Variants in ANAPC15 observed in about 807,000 individuals in gnomAD.
The protein encoded by ANAPC15 is anaphase promoting complex subunit 15, also known as anaphase-promoting complex subunit 15.
A neutral mutation model predicts 19.8 loss-of-function variants in ANAPC15; 13 were observed. That is an observed-to-expected ratio of 0.66 (90% CI 0.43 to 1.04). ANAPC15 has a LOEUF of 1.04. ANAPC15 is among the 50% of genes least tolerant of loss of function. The pLI is 0.00. For synonymous variants in ANAPC15, 45 were observed against 50.7 expected (o/e 0.89, Z 0.47); for missense variants, 88 against 150.3 (o/e 0.59, Z 2.17).
At chr11:72,110,883 T>C (rs1014917352) in intron 3 of ANAPC15, 1 of 574,896 alleles carries the variant, frequency 1.7e-6, no homozygotes, top group Non-Finnish European at 3.1e-6. Flanking sequence ...CCTCAATTAA[T>C]AGTCAAAATT....
Position 72,111,226 on chromosome 11 carries a change from C to G in ANAPC15, c.51G>C (p.Trp17Cys). ...SLFPRVTETL[W>C]FNLDRPCVEE... ...CCACACAGGGTCGATCCAGATTAAACCACAGAGTCTCAGTCACACGAGGGA... is the reference window on the plus strand; with the variant it reads ...CCACACAGGGTCGATCCAGATTAAAGCACAGAGTCTCAGTCACACGAGGGA... The change falls in exon 3 of 6, where the codon TGG becomes TGC. Residue 17 changes from tryptophan (W) to cysteine (C), a missense_variant. Physicochemically the swap from Trp to Cys is radical, Grantham distance 215 (BLOSUM62 -2). Transcript: ENST00000227618. 5 of 1,614,106 alleles carry G rather than the reference C, an allele frequency of 3.1e-6. No homozygotes were observed. Among genetic ancestry groups the G allele is most frequent in the Non-Finnish European group, 4.2e-6 (5 of 1,179,950 alleles).
At chr11:72,108,087 C>A (rs1565331959), downstream of ANAPC15, 1 of 1,533,912 alleles carries the variant, frequency 6.5e-7, no homozygotes, top group Non-Finnish European at 8.8e-7. Flanking sequence ...GGCTGAAAAA[C>A]TCATCCGCCT....
At chr11:72,107,756 T>C (rs1945830152), downstream of ANAPC15, among the ~76,000 whole-genome samples, 1 of 152,150 alleles carries the variant, frequency 6.6e-6, no homozygotes, top group South Asian at 2.1e-4. Flanking sequence ...AAGACTACAC[T>C]GTAGGAGACG....
chr11:72,110,258 A>G (rs1290024027), intron 4 of ANAPC15, 33 bp from the exon 5 acceptor site: 1 of 1,610,870 alleles, frequency 6.2e-7, no homozygotes, highest in Admixed American at 1.7e-5. Flanking sequence ...TAAGCCCTAC[A>G]GGCCTGCATG....
Position 72,109,900 on chromosome 11 carries a change from T to TGATCCTGTTCGTTGCCTACCATGTCCA in ANAPC15, c.346_347insTGGACATGGTAGGCAACGAACAGGATC (p.Asp115_Gln116insLeuAspMetValGlyAsnGluGlnAsp). On this transcript the variant is annotated inframe_insertion, in exon 6 of 6. Transcript: ENST00000227618. ...GTCTACCTAGATCATCCACTGGTCC[T>TGATCCTGTTCGTTGCCTACCATGTCCA]GATCCTGTTCGTTGCCTTCCATGTC... 1 of 1,614,018 alleles carries TGATCCTGTTCGTTGCCTACCATGTCCA rather than the reference T, an allele frequency of 6.2e-7. No individual in the cohort carries two copies. Among genetic ancestry groups the TGATCCTGTTCGTTGCCTACCATGTCCA allele is most frequent in the Non-Finnish European group, 8.5e-7 (1 of 1,180,012 alleles).
At chr11:72,111,109 G>A (rs748750874) in intron 3 of ANAPC15, 48 bp downstream of exon 3, 2 of 1,299,742 alleles carry the variant, frequency 1.5e-6, no homozygotes, top group Non-Finnish European at 2.2e-6. Context: ...ACTGAAGGAG[G>A]TCTCTGTCTG....
chr11:72,108,028 C>CT, downstream of ANAPC15: 3 of 1,551,620 alleles, frequency 1.9e-6, no homozygotes, highest in Non-Finnish European at 2.6e-6. Context: ...GCCCTGCCCC[C>CT]TGGGGGTCGC....
rs1343607138 is a variant in ANAPC15, at chr11:72,110,557, T to C, written c.167A>G (p.Lys56Arg). The change falls in exon 4 of 6, where the codon AAG becomes AGG. Residue 56 changes from lysine (K) to arginine (R), a missense_variant. Transcript: ENST00000227618. ...EKDNNLVPIG[K>R]PASEHYDDEE... ...AGAGCCACTCACCTCTGAGGCTGGC[T>C]TGCCAATAGGAACCAGGTTGTTGTC... 1.9e-6 allele frequency: 3 copies of C among 1,614,116 alleles called. No individual in the cohort carries two copies. The African/African-American group carries it at 4.0e-5, about 22-fold the overall frequency.
At chr11:72,107,745 G>C, downstream of ANAPC15, 1 of 651,890 alleles carries the variant, frequency 1.5e-6, no homozygotes, top group Non-Finnish European at 2.7e-6. Context: ...GGGCTGGTGT[G>C]AAGACTACAC....
At position 72,110,679 on chromosome 11, in the gene ANAPC15, G is replaced by C. The variant is rs1326227286; in HGVS notation, c.121-76C>G. 3.2e-6 allele frequency: 5 copies of C among 1,541,020 alleles called. No individual in the cohort carries two copies. In the African/African-American group the frequency reaches 6.8e-5, roughly 21 times the overall value. On this transcript the variant is annotated intron_variant, in intron 3 of 5. Coordinates refer to ENST00000227618, the MANE Select transcript of ANAPC15 (RefSeq NM_014042.3). ...CAGGGGCATGGGACTGGCCCATTCT[G>C]CCCAGAAGACAACCCACACGTGTTG... is the stretch of plus-strand genomic sequence containing the variant.
chr11:72,111,102 G>C, intron 3 of ANAPC15, 55 bp downstream of exon 3: 1 of 1,048,394 alleles, frequency 9.5e-7, no homozygotes, highest in Non-Finnish European at 1.3e-6. Flanking sequence ...ATGGCCCACT[G>C]AAGGAGGTCT....
chr11:72,112,772 C>T (rs1565340512), upstream of ANAPC15: 1 of 456,282 alleles, frequency 2.2e-6, no homozygotes, highest in African/African-American at 2.0e-5. Flanking sequence ...GTTTTCCCCG[C>T]TCCCGCCCAC....
In ANAPC15 at chr11:72,110,178, A is replaced by G; in HGVS notation, c.228T>C (p.Ser76=). Reference sequence around the variant, plus strand: ...CCTCATCATCCTCTGAGTCCTCTTCACTATCCTCATCATCTTCATCATCCT... The same window carrying G: ...CCTCATCATCCTCTGAGTCCTCTTCGCTATCCTCATCATCTTCATCATCCT... ...EEEDDEDDED[S]EEDSEDDEDM... The change falls in exon 5 of 6, where the codon AGT becomes AGC. Residue 76 remains serine (S), a synonymous_variant. Transcript: ENST00000227618. 1 of 1,613,954 alleles carries G rather than the reference A, an allele frequency of 6.2e-7. No homozygotes were observed. Among genetic ancestry groups the G allele is most frequent in the South Asian group, 1.1e-5 (1 of 91,066 alleles).
chr11:72,112,624 G>A, intron 1 of ANAPC15, 26 bp downstream of exon 1: 1 of 455,124 alleles, frequency 2.2e-6, no homozygotes, highest in Non-Finnish European at 4.4e-6. Context: ...GCAAGGAGAC[G>A]GTTGCAGCCT....
intron 3 of ANAPC15, 141 bp from the exon 4 acceptor site, chr11:72,110,744 C>T: frequency 1.2e-6 from 1 of 800,742 alleles, no homozygotes; most frequent in Non-Finnish European, 2.0e-6. Flanking sequence ...GATACAATCC[C>T]TTTCTTGTCA....
intron 1 of ANAPC15, chr11:72,111,834 A>C (rs773450103): frequency 6.5e-6 from 1 of 154,872 alleles, no homozygotes; most frequent in Non-Finnish European, 1.4e-5. Context: ...GAGGGATTGT[A>C]GCATATGCAA....
At chr11:72,111,328 GTT>G in intron 2 of ANAPC15, 42 bp from the exon 3 acceptor site, 1 of 1,484,852 alleles carries the variant, frequency 6.7e-7, no homozygotes, top group Non-Finnish European at 9.4e-7. Flanking sequence ...CTTTGTTTTT[GTT>G]TTTAATTTGG....
downstream of ANAPC15, chr11:72,108,565 T>C (rs1359919828): frequency 7.7e-6 from 11 of 1,422,378 alleles, no homozygotes; most frequent in Non-Finnish European, 7.4e-6. Context: ...GGGAGAACAA[T>C]TCCCCCCACC....
chr11:72,107,941 T>A, downstream of ANAPC15: 1 of 1,551,716 alleles, frequency 6.4e-7, no homozygotes, highest in Non-Finnish European at 8.7e-7. Flanking sequence ...CTGATGCGGC[T>A]GGTGGAGGAG....
Sources: gnomAD v4.1 joint callset for allele counts (sites outside exome capture counted in the v4.1 genomes callset) on GRCh38, gnomAD v4.1.1 for gene constraint, MANE v1.5 for transcripts, NCBI Gene and HGNC (gene_info 2026-07-23, HGNC 2026-07-21) for gene names.